The following TOGARAM2 variants were observed in gnomAD, a reference collection of about 807,000 sequenced individuals.
The protein encoded by TOGARAM2 is TOG array regulator of axonemal microtubules 2, also known as TOG array regulator of axonemal microtubules protein 2.
TOGARAM2 carries 85 observed loss-of-function variants against 93.3 expected under a neutral mutation model. That is an observed-to-expected ratio of 0.91 (90% CI 0.76 to 1.09). The LOEUF (loss-of-function observed/expected upper bound fraction) is 1.09, where lower values mean the gene tolerates loss of function less well. TOGARAM2 is among the 50% of genes least tolerant of loss of function. The pLI is 0.00. For synonymous variants in TOGARAM2, 593 were observed against 552.8 expected, an observed-to-expected ratio of 1.07 and a Z score of -1.02; for missense variants, 1,277 against 1,334.5, an observed-to-expected ratio of 0.96 and a Z score of 0.67.
intron 8 of TOGARAM2, among the ~76,000 whole-genome samples, 194 bp downstream of exon 8, chr2:29,014,755 G>T (rs188699493): frequency 3.3e-5 from 5 of 152,096 alleles, no homozygotes; most frequent in African/African-American, 1.2e-4. Flanking sequence ...GAAAGGAAGA[G>T]AAAGGATGGG....
intron 13 of TOGARAM2, 113 bp downstream of exon 13, chr2:29,024,487 G>T: frequency 1.3e-6 from 1 of 793,644 alleles, no homozygotes; most frequent in Non-Finnish European, 2.0e-6. Context: ...AGGGAGGGAA[G>T]CAGGCAAGTG....
intron 18 of TOGARAM2, among the ~76,000 whole-genome samples, chr2:29,039,891 G>A (rs1666331739): frequency 6.6e-6 from 1 of 152,216 alleles, no homozygotes; most frequent in Non-Finnish European, 1.5e-5. Flanking sequence ...GCTGCTGACA[G>A]CTCATCCCCT....
rs1363066686 is a variant in TOGARAM2, at chr2:28,994,760, C to G, written c.-75C>G. 1 of 1,503,850 alleles carries G rather than the reference C, an allele frequency of 6.6e-7. No homozygotes were observed. Among genetic ancestry groups the G allele is most frequent in the Non-Finnish European group, 9.1e-7 (1 of 1,103,802 alleles). The allele number at this position is 1,503,850 out of a possible 1,614,324, so 93.2% of individuals were successfully genotyped here. A position where few individuals can be genotyped will look rare whatever the true frequency, so the allele number is the denominator to read the frequency against. ...TTACAGGTCAGAGCCCTCCAGACCCCCAAGGACTGTACTCACTGCCCAGAA... is the reference window on the plus strand; with the variant it reads ...TTACAGGTCAGAGCCCTCCAGACCCGCAAGGACTGTACTCACTGCCCAGAA... On this transcript the variant is annotated 5_prime_UTR_variant, in exon 2 of 20. Coordinates refer to ENST00000379558, the MANE Select transcript of TOGARAM2 (RefSeq NM_199280.4).
intron 1 of TOGARAM2, among the ~76,000 whole-genome samples, chr2:28,971,589 C>A (rs7569310): frequency 0.79 from 120,850 of 152,062 alleles, 48,360 homozygotes; most frequent in East Asian, 1. Flanking sequence ...AGGTGGGAAG[C>A]CACGTTCTCT....
At position 28,998,165 on chromosome 2, in the gene TOGARAM2, C is replaced by A. The variant is rs184438116; in HGVS notation, c.51C>A (p.Ala17=). 1,364 of 1,609,884 alleles carry A rather than the reference C, an allele frequency of 8.5e-4. 13 individuals carry two copies. In the African/African-American group the frequency reaches 0.016, roughly 19 times the overall value. ...VPEAKVLVPV[A]VYCGSIPRTS... ...CAGCCAAGGTCCTGGTCCCCGTGGC[C>A]GTGTACTGCGGGAGCATCCCTCGGA... The change falls in exon 3 of 20, where the codon GCC becomes GCA. Residue 17 remains alanine (A), a synonymous_variant. Transcript: ENST00000379558.
intron 19 of TOGARAM2, 172 bp from the exon 20 acceptor site, chr2:29,051,584 A>C: frequency 1.9e-6 from 1 of 530,242 alleles, no homozygotes; most frequent in Non-Finnish European, 3.3e-6. Flanking sequence ...TTTTCTACTA[A>C]TGTTAAAAGA....
In TOGARAM2 at chr2:28,974,047, G is replaced by A. The variant is rs182599545; in HGVS notation, c.-147+17350G>A. On this transcript the variant is annotated intron_variant, in intron 1 of 6. Transcript: ENST00000401723. ...CTCACTTGTATTGTGTTTCTCTGTA[G>A]ACAATGGGATGTTTATCTCTAGCTG... is the stretch of plus-strand genomic sequence containing the variant. 4.1e-3 allele frequency among the ~76,000 whole-genome samples: 619 copies of A among 151,786 alleles called. 5 individuals are homozygous for A. The highest frequency in any genetic ancestry group is 0.014 in the African/African-American group (588 of 41,384).
In TOGARAM2 at chr2:29,002,606, G is replaced by A; in HGVS notation, c.498G>A (p.Gln166=). Residue 166 remains glutamine, a synonymous_variant, in exon 5 of 20, where the codon CAG becomes CAA. Coordinates refer to ENST00000379558, the MANE Select transcript of TOGARAM2 (RefSeq NM_199280.4). ...LHSTIPRATS[Q]RLLRVPRPMP... is the part of the protein sequence containing the mutation. ...GCACCATCCCCCGAGCCACCTCTCA[G>A]AGGCTGCTGAGGGTGCCCAGGCCGA... 6.2e-7 allele frequency: 1 copy of A among 1,613,944 alleles called. No individual in the cohort carries two copies. Among genetic ancestry groups the A allele is most frequent in the Non-Finnish European group, 8.5e-7 (1 of 1,179,880 alleles).
At position 29,035,516 on chromosome 2, in the gene TOGARAM2, C is replaced by T. The variant is rs1451310345; in HGVS notation, c.2278C>T (p.Arg760Cys). Residue 760 changes from arginine to cysteine, a missense_variant, in exon 17 of 20, where the codon CGC becomes TGC. Arg to Cys is a radical substitution (Grantham distance 180). Coordinates refer to ENST00000379558, the MANE Select transcript of TOGARAM2 (RefSeq NM_199280.4). Reference protein sequence around the residue: ...LVGLRSTLQGRGEMVEQLREL... With the variant: ...LVGLRSTLQGCGEMVEQLREL... ...GGGGCTGCGCTCCACACTGCAGGGC[C>T]GCGGGGAGATGGTGGAGCAGCTACG... is the stretch of plus-strand genomic sequence containing the variant. 7.1e-6 allele frequency: 11 copies of T among 1,553,766 alleles called. No homozygotes were observed. Among genetic ancestry groups the T allele is most frequent in the South Asian group, 3.7e-5 (3 of 81,302 alleles).
intron 6 of TOGARAM2, among the ~76,000 whole-genome samples, chr2:29,010,028 GGTGTGTGTGT>G (rs56239245): frequency 6.0e-5 from 9 of 148,762 alleles, no homozygotes; most frequent in African/African-American, 2.2e-4. Flanking sequence ...GCTCAGAGCA[GGTGTGTGTGT>G]GTGTGTGTGT....
intron 7 of TOGARAM2, among the ~76,000 whole-genome samples, chr2:29,013,031 G>C (rs1193381195): frequency 6.6e-6 from 1 of 152,216 alleles, no homozygotes; most frequent in Admixed American, 6.5e-5. Flanking sequence ...GGGCCCCAGA[G>C]GTAAGATGCC....
intron 6 of TOGARAM2, among the ~76,000 whole-genome samples, chr2:29,010,073 G>C (rs58055236): frequency 3.3e-5 from 5 of 151,772 alleles, no homozygotes; most frequent in African/African-American, 9.7e-5. Flanking sequence ...GGCGCAGAGC[G>C]GGGGAGGCTG....
intron 2 of TOGARAM2, among the ~76,000 whole-genome samples, chr2:28,995,132 G>T (rs1210383371): frequency 2.6e-5 from 4 of 152,238 alleles, no homozygotes; most frequent in Non-Finnish European, 4.4e-5. Context: ...AGGGTGGTTG[G>T]TTCCTTGAGG....
intron 14 of TOGARAM2, among the ~76,000 whole-genome samples, chr2:29,028,272 C>T (rs1450732397): frequency 6.6e-6 from 1 of 152,196 alleles, no homozygotes; most frequent in Non-Finnish European, 1.5e-5. Flanking sequence ...CCAGGCCAGA[C>T]ATTCTCGTAG....
intron 19 of TOGARAM2, chr2:29,046,326 C>A (rs1666740083): frequency 6.6e-6 from 1 of 152,286 alleles, no homozygotes; most frequent in African/African-American, 2.4e-5. Flanking sequence ...TCTGCCACCA[C>A]CAGCCCTGAC....
chr2:29,013,306 T>C (rs1664360949), intron 7 of TOGARAM2, among the ~76,000 whole-genome samples: 1 of 152,248 alleles, frequency 6.6e-6, no homozygotes, highest in African/African-American at 2.4e-5. Context: ...CGAAGGTTAC[T>C]GGCTGTATTA....
rs759754260 is a variant in TOGARAM2, at chr2:29,017,960, G to C, written c.1360+4G>C. On this transcript the variant is annotated splice_donor_region_variant and intron_variant, in intron 10 of 19. Coordinates refer to ENST00000379558, the MANE Select transcript of TOGARAM2 (RefSeq NM_199280.4). Reference sequence around the variant, plus strand: ...CGCTTTGCCCGCCACGCCTCAGGTGGGCAGGCCCGACTGGCAGGCACACGT... The same window carrying C: ...CGCTTTGCCCGCCACGCCTCAGGTGCGCAGGCCCGACTGGCAGGCACACGT... 6.6e-5 allele frequency: 106 copies of C among 1,594,982 alleles called. No individual in the cohort carries two copies. The highest frequency in any genetic ancestry group is 8.9e-5 in the Non-Finnish European group (104 of 1,169,512).
At chr2:29,031,769 C>T (rs978853113) in intron 14 of TOGARAM2, among the ~76,000 whole-genome samples, 2 of 152,228 alleles carry the variant, frequency 1.3e-5, no homozygotes, top group Non-Finnish European at 2.9e-5. Context: ...AGATTGCCCT[C>T]ACACATGGGG....
At chr2:28,959,532 T>C (rs1317237078) in intron 1 of TOGARAM2, among the ~76,000 whole-genome samples, 3 of 152,070 alleles carry the variant, frequency 2.0e-5, no homozygotes, top group African/African-American at 7.2e-5. Flanking sequence ...GGGGGGCGGA[T>C]CACAAGGTCA....
Sources: gnomAD v4.1 joint callset for allele counts (sites outside exome capture counted in the v4.1 genomes callset) on GRCh38, gnomAD v4.1.1 for gene constraint, MANE v1.5 for transcripts, NCBI Gene and HGNC (gene_info 2026-07-23, HGNC 2026-07-21) for gene names.